The following ATP8A2 variants were observed in gnomAD, a reference collection of about 807,000 sequenced individuals.
ATP8A2 encodes the protein phospholipid-transporting ATPase IB.
ATP8A2 carries 100 observed loss-of-function variants against 165.6 expected under a neutral mutation model. The observed-to-expected ratio is 0.60, with a 90% confidence interval of 0.51 to 0.71. ATP8A2 has a LOEUF of 0.71. Among genes scored for constraint, ATP8A2 ranks in the 30% least tolerant of loss-of-function variants. The probability of loss-of-function intolerance (pLI) is 0.00; values close to 1 mark genes in which losing one functional copy is unlikely to be tolerated. For missense variants in ATP8A2, 1,227 were observed against 1,479.5 expected, an observed-to-expected ratio of 0.83 and a Z score of 2.80; for synonymous variants, 543 against 548.8, an observed-to-expected ratio of 0.99 and a Z score of 0.15.
chr13:25,793,167 G>A (rs1305798537), intron 27 of ATP8A2, among the ~76,000 whole-genome samples: 1 of 152,148 alleles, frequency 6.6e-6, no homozygotes, highest in African/African-American at 2.4e-5. Flanking sequence ...TCCAACATCT[G>A]CCTTGTGACT....
In ATP8A2 at chr13:25,925,197, A is replaced by G. The variant is rs572693878; in HGVS notation, c.3184-36378A>G. ...CTCTCAGCTGGGTTTGTGAAGTCAC[A>G]GTGACTTTCAGGTGCTTACTGTTTT... On this transcript the variant is annotated intron_variant, in intron 33 of 36. Coordinates refer to ENST00000381655, the MANE Select transcript of ATP8A2 (RefSeq NM_016529.6). 2.6e-5 allele frequency among the ~76,000 whole-genome samples: 4 copies of G among 152,282 alleles called. No individual in the cohort carries two copies. In the East Asian group the frequency reaches 7.7e-4, roughly 29 times the overall value.
chr13:25,487,252 C>A (rs1016743971), intron 2 of ATP8A2, among the ~76,000 whole-genome samples: 2 of 152,180 alleles, frequency 1.3e-5, no homozygotes, highest in East Asian at 3.8e-4. Context: ...ATGTACCTCT[C>A]ATTTCCTGTT....
chr13:25,588,267 A>T (rs1201274084), intron 23 of ATP8A2, among the ~76,000 whole-genome samples: 2 of 152,066 alleles, frequency 1.3e-5, no homozygotes, highest in South Asian at 2.1e-4. Flanking sequence ...CACAAACGAA[A>T]TTTTTTTACT....
chr13:25,663,881 A>T (rs1033419494), intron 24 of ATP8A2, among the ~76,000 whole-genome samples: 8 of 152,202 alleles, frequency 5.3e-5, no homozygotes, highest in African/African-American at 1.7e-4. Flanking sequence ...TGACAGAATG[A>T]GGGGAAAATA....
intron 25 of ATP8A2, among the ~76,000 whole-genome samples, chr13:25,707,600 A>G (rs1191797465): frequency 6.6e-6 from 1 of 152,258 alleles, no homozygotes; most frequent in African/African-American, 2.4e-5. Flanking sequence ...GCTATGAGCA[A>G]CTGAGTGAAT....
intron 23 of ATP8A2, among the ~76,000 whole-genome samples, chr13:25,587,435 G>C (rs2039954729): frequency 6.6e-6 from 1 of 150,910 alleles, no homozygotes; most frequent in South Asian, 2.1e-4. Context: ...CCCTGCCATG[G>C]CTAGAAAAAA....
intron 25 of ATP8A2, among the ~76,000 whole-genome samples, chr13:25,742,591 A>G (rs1327406488): frequency 1.3e-5 from 2 of 151,630 alleles, no homozygotes; most frequent in Non-Finnish European, 1.5e-5. Context: ...GGAGATAAAT[A>G]GTATTCAGTC....
At chr13:25,962,553 G>T (rs1257567713) in intron 34 of ATP8A2, among the ~76,000 whole-genome samples, 2 of 152,282 alleles carry the variant, frequency 1.3e-5, no homozygotes, top group East Asian at 3.9e-4. Flanking sequence ...CAAAAGGAGG[G>T]CTGCTCCAAG....
At chr13:25,919,975 C>G (rs568633942) in intron 33 of ATP8A2, among the ~76,000 whole-genome samples, 1 of 152,128 alleles carries the variant, frequency 6.6e-6, no homozygotes, top group South Asian at 2.1e-4. Flanking sequence ...TTTATACAAA[C>G]AGGGGTCTCG....
chr13:25,468,832 G>A lies in ATP8A2; in HGVS notation c.77-145G>A, dbSNP rs918188411. 6.1e-6 allele frequency: 8 copies of A among 1,315,934 alleles called. No homozygotes were observed. The African/African-American group carries it at 6.2e-5, about 10-fold the overall frequency. 81.5% of individuals were successfully genotyped at this position (1,315,934 alleles called of 1,614,324 possible). ...GGCACAGGCGGCGGCGTCTCCAGGG[G>A]GAGCCAAGGTACGTAGGCGGCGTCC... On this transcript the variant is annotated intron_variant, in intron 1 of 36. Coordinates refer to ENST00000381655, the MANE Select transcript of ATP8A2 (RefSeq NM_016529.6).
At chr13:25,820,630 T>G (rs1951155454) in intron 27 of ATP8A2, among the ~76,000 whole-genome samples, 1 of 152,160 alleles carries the variant, frequency 6.6e-6, no homozygotes, top group African/African-American at 2.4e-5. Context: ...ACATTTATAT[T>G]TAGGAATTGG....
chr13:25,589,527 C>G (rs2040011528), intron 23 of ATP8A2, 108 bp from the exon 24 acceptor site: 8 of 751,686 alleles, frequency 1.1e-5, no homozygotes, highest in Non-Finnish European at 1.9e-5. Context: ...CCCTATTCCT[C>G]TGTGTGAGCC....
chr13:25,818,918 G>A (rs747561075), intron 27 of ATP8A2, among the ~76,000 whole-genome samples: 4 of 152,176 alleles, frequency 2.6e-5, no homozygotes, highest in Non-Finnish European at 4.4e-5. Flanking sequence ...AGAGAAAAAT[G>A]AGTGCGGTGT....
At chr13:25,770,126 A>T (rs2044587421) in intron 26 of ATP8A2, among the ~76,000 whole-genome samples, 1 of 152,094 alleles carries the variant, frequency 6.6e-6, no homozygotes, top group Admixed American at 6.5e-5. Flanking sequence ...TTTGAGAGAA[A>T]CTCAGTTTAT....
At chr13:25,743,989 A>T (rs2043972646) in intron 25 of ATP8A2, among the ~76,000 whole-genome samples, 1 of 152,230 alleles carries the variant, frequency 6.6e-6, no homozygotes, top group African/African-American at 2.4e-5. Context: ...TCTACTACTT[A>T]TGAAAGAAGT....
chr13:25,500,275 A>G (rs2036813827), intron 2 of ATP8A2, among the ~76,000 whole-genome samples: 1 of 152,178 alleles, frequency 6.6e-6, no homozygotes, highest in African/African-American at 2.4e-5. Context: ...TGTTTGCCCT[A>G]GAGAATTCAA....
chr13:25,423,450 T>C (rs1181527077), intron 1 of ATP8A2, among the ~76,000 whole-genome samples: 2 of 152,214 alleles, frequency 1.3e-5, no homozygotes, highest in African/African-American at 2.4e-5. Context: ...CATTTTTGTG[T>C]ACATTTTCGA....
In ATP8A2 at chr13:25,867,139, C is replaced by CT. The variant is rs11331686; in HGVS notation, c.3183+4748dup. ...CAGCCAGTTTCTGGACTGGGACAGG[C>CT]TTTTTTTTTTTTTTTTTCATTCTAA... On this transcript the variant is annotated intron_variant, in intron 33 of 36. Coordinates refer to ENST00000381655, the MANE Select transcript of ATP8A2 (RefSeq NM_016529.6). Among the ~76,000 whole-genome samples, 740 of 131,906 alleles carry CT rather than the reference C, an allele frequency of 5.6e-3. 6 individuals carry two copies. The highest frequency in any genetic ancestry group is 0.024 in the South Asian group (95 of 3,972). The allele number at this position is 131,906 out of a possible 152,430, so 86.5% of individuals were successfully genotyped here. A position where few individuals can be genotyped will look rare whatever the true frequency, so the allele number is the denominator to read the frequency against.
At chr13:25,568,446 A>T (rs1179727836) in intron 16 of ATP8A2, among the ~76,000 whole-genome samples, 18 of 152,216 alleles carry the variant, frequency 1.2e-4, no homozygotes, top group Admixed American at 1.2e-3. Context: ...AAATTCACCG[A>T]ATAAGTAGAA....
Sources: gnomAD v4.1 joint callset for allele counts (sites outside exome capture counted in the v4.1 genomes callset) on GRCh38, gnomAD v4.1.1 for gene constraint, MANE v1.5 for transcripts, NCBI Gene and HGNC (gene_info 2026-07-23, HGNC 2026-07-21) for gene names.